The following NDST4 variants were observed in gnomAD, a reference collection of about 807,000 sequenced individuals.
NDST4 encodes N-heparan sulfate sulfotransferase 4.
NDST4 carries 63 observed loss-of-function variants against 100.8 expected under a neutral mutation model. The observed-to-expected ratio is 0.62, with a 90% confidence interval of 0.51 to 0.77. NDST4 has a LOEUF of 0.77. Among genes scored for constraint, NDST4 ranks in the 30% least tolerant of loss-of-function variants. The probability of loss-of-function intolerance (pLI) is 0.00; values close to 1 mark genes in which losing one functional copy is unlikely to be tolerated. For missense variants in NDST4, 943 were observed against 1,018.4 expected (o/e 0.93, Z 1.01); for synonymous variants, 377 against 361.8 (o/e 1.04, Z -0.48).
intron 1 of NDST4, among the ~76,000 whole-genome samples, chr4:115,096,515 G>T (rs1729624095): frequency 6.6e-6 from 1 of 151,822 alleles, no homozygotes. Flanking sequence ...ATTTTCATAA[G>T]CACTCAAACA....
intron 1 of NDST4, among the ~76,000 whole-genome samples, chr4:115,078,839 C>T (rs760276025): frequency 7.9e-5 from 12 of 151,888 alleles, no homozygotes; most frequent in South Asian, 4.2e-4. Context: ...AACTCTCTTC[C>T]GCCCCCACCA....
At chr4:114,877,801 A>C (rs1298529553) in intron 6 of NDST4, among the ~76,000 whole-genome samples, 1 of 152,134 alleles carries the variant, frequency 6.6e-6, no homozygotes, top group Non-Finnish European at 1.5e-5. Context: ...TACAAAAAGT[A>C]GCCGGGCCTG....
intron 7 of NDST4, among the ~76,000 whole-genome samples, chr4:114,854,067 G>T (rs1004194813): frequency 1.3e-5 from 2 of 151,806 alleles, no homozygotes; most frequent in Non-Finnish European, 2.9e-5. Context: ...TTATTCATTC[G>T]ATCTAACTAT....
Position 114,937,920 on chromosome 4 carries a change from A to G in NDST4, c.1222-417T>C, listed in dbSNP as rs560313923. Among the ~76,000 whole-genome samples the G allele has an allele frequency of 7.9e-5, 12 of 152,176 alleles. No individual in the cohort carries two copies. In the South Asian group the frequency reaches 2.5e-3, roughly 32 times the overall value. On this transcript the variant is annotated intron_variant, in intron 4 of 13. Transcript: ENST00000264363. Reference sequence around the variant, plus strand: ...GGGCGGGTATTGAAGAAAATCAGAAAGGTAACTATGAATAATGAAGTGATG... The same window carrying G: ...GGGCGGGTATTGAAGAAAATCAGAAGGGTAACTATGAATAATGAAGTGATG...
chr4:114,939,229 A>T (rs775928746), intron 4 of NDST4, among the ~76,000 whole-genome samples: 2 of 152,084 alleles, frequency 1.3e-5, no homozygotes, highest in Non-Finnish European at 2.9e-5. Flanking sequence ...TGTGAGACAG[A>T]TTTTTCTCAT....
At chr4:115,103,249 A>G (rs1315980138) in intron 1 of NDST4, among the ~76,000 whole-genome samples, 4 of 152,182 alleles carry the variant, frequency 2.6e-5, no homozygotes, top group Non-Finnish European at 1.5e-5. Context: ...TAATACAAAA[A>G]GCTATAAATT....
intron 6 of NDST4, among the ~76,000 whole-genome samples, chr4:114,911,741 C>T (rs971480183): frequency 5.3e-5 from 8 of 152,130 alleles, no homozygotes; most frequent in African/African-American, 1.7e-4. Flanking sequence ...TCAAAATAGT[C>T]TCTTCTAAAT....
rs111799145 is a variant in NDST4, at chr4:115,076,034, C to A, written c.978+25G>T. On this transcript the variant is annotated intron_variant, in intron 2 of 13. Coordinates refer to ENST00000264363, the MANE Select transcript of NDST4 (RefSeq NM_022569.3). ...GTACCATATTGTGAAATACAAATTT[C>A]GATGTTGTCTATAAATAAGCTTACC... is the stretch of plus-strand genomic sequence containing the variant. 399 of 1,567,036 alleles carry A rather than the reference C, an allele frequency of 2.5e-4. No homozygotes were observed. In the African/African-American group the frequency reaches 4.3e-3, roughly 17 times the overall value.
chr4:114,841,125 AT>A lies in NDST4; in HGVS notation c.2116-1578del, dbSNP rs371598799. ...TATGAAACTGTGCTTAATCTGTTCT[AT>A]GTTGACTTTTACCAGTTTAGCACCA... On this transcript the variant is annotated intron_variant, in intron 10 of 13. Coordinates refer to ENST00000264363, the MANE Select transcript of NDST4 (RefSeq NM_022569.3). Among the ~76,000 whole-genome samples, 508 of 152,304 alleles carry A rather than the reference AT, an allele frequency of 3.3e-3. 6 individuals carry two copies. Among genetic ancestry groups the A allele is most frequent in the African/African-American group, 0.012 (493 of 41,570 alleles).
chr4:115,108,238 T>C (rs1048718851), intron 1 of NDST4, among the ~76,000 whole-genome samples: 2 of 152,130 alleles, frequency 1.3e-5, no homozygotes, highest in East Asian at 1.9e-4. Context: ...TCTTTAGTGA[T>C]GTTATATTTA....
At chr4:115,089,859 A>G (rs1028391360) in intron 1 of NDST4, among the ~76,000 whole-genome samples, 2 of 151,878 alleles carry the variant, frequency 1.3e-5, no homozygotes, top group Admixed American at 6.6e-5. Context: ...CTGATTATCA[A>G]CCAGACCCCA....
chr4:115,034,054 C>A (rs1177975357), intron 2 of NDST4, among the ~76,000 whole-genome samples: 1 of 152,130 alleles, frequency 6.6e-6, no homozygotes, highest in South Asian at 2.1e-4. Flanking sequence ...GCCCTAACCA[C>A]AAGTTCCTCT....
intron 6 of NDST4, among the ~76,000 whole-genome samples, chr4:114,921,251 G>A (rs989705750): frequency 3.9e-5 from 6 of 152,270 alleles, no homozygotes; most frequent in Admixed American, 2.0e-4. Context: ...TATTGCGTTC[G>A]ATGACTCCAT....
At chr4:114,916,536 C>CTGTGTGTGTGTGTGTG (rs537961796) in intron 6 of NDST4, among the ~76,000 whole-genome samples, 1 of 129,050 alleles carries the variant, frequency 7.7e-6, no homozygotes, top group Admixed American at 7.9e-5. Context: ...CTGGTAGGCT[C>CTGTGTGTGTGTGTGTG]TGTGTGTGTG....
intron 1 of NDST4, among the ~76,000 whole-genome samples, chr4:115,090,500 CT>C (rs550806136): frequency 1.5e-4 from 23 of 151,660 alleles, no homozygotes; most frequent in Middle Eastern, 3.4e-3. Context: ...ATCCAGTCAC[CT>C]TTTTTTATAA....
chr4:115,065,093 T>C (rs1728917560), intron 2 of NDST4, among the ~76,000 whole-genome samples: 1 of 152,108 alleles, frequency 6.6e-6, no homozygotes. Flanking sequence ...TTCTTTTTGC[T>C]CCTCCATTGA....
intron 2 of NDST4, among the ~76,000 whole-genome samples, chr4:115,009,266 G>C (rs1219559355): frequency 7.8e-6 from 1 of 128,958 alleles, no homozygotes; most frequent in Non-Finnish European, 1.7e-5. Flanking sequence ...GAGGCATCAC[G>C]CTACCTAACT....
chr4:114,951,320 C>T (rs1725985813), intron 4 of NDST4, among the ~76,000 whole-genome samples: 1 of 151,992 alleles, frequency 6.6e-6, no homozygotes, highest in African/African-American at 2.4e-5. Flanking sequence ...CTTGTGACCA[C>T]TTTCAGTATG....
chr4:114,894,089 T>C (rs992701977), intron 6 of NDST4, among the ~76,000 whole-genome samples: 2 of 152,190 alleles, frequency 1.3e-5, no homozygotes, highest in African/African-American at 4.8e-5. Context: ...TTCTGCTCCA[T>C]TGATCTATAT....
Sources: allele counts gnomAD v4.1 joint callset (sites outside exome capture counted in the v4.1 genomes callset), GRCh38; gene constraint gnomAD v4.1.1; transcripts MANE v1.5; gene names NCBI Gene and HGNC (gene_info 2026-07-23, HGNC 2026-07-21).